The following RORA variants were observed in gnomAD, a reference collection of about 807,000 sequenced individuals.
The protein encoded by RORA is RAR related orphan receptor A.
RORA carries 7 observed loss-of-function variants against 69.5 expected under a neutral mutation model. The ratio of observed to expected loss-of-function variants is 0.10; its 90% CI spans 0.06 to 0.19. The LOEUF (loss-of-function observed/expected upper bound fraction) is 0.19, where lower values mean the gene tolerates loss of function less well. RORA is among the 10% of genes least tolerant of loss of function. The pLI is 1.00. For missense variants in RORA, 457 were observed against 663.0 expected (o/e 0.69, Z 3.41); for synonymous variants, 261 against 240.8 (o/e 1.08, Z -0.78).
rs1331797817 is a variant in RORA, at chr15:61,071,735, GGCTTATTCT to G, written c.166+157309_166+157317del. On this transcript the variant is annotated intron_variant, in intron 1 of 10. Transcript: ENST00000335670. The stretch of plus-strand genomic sequence containing the variant: ...ATTCACTGAGCCATACAAAGGAACA[GGCTTATTCT>G]TTGGATTTCAGAACTGAGATGAAGG... Among the ~76,000 whole-genome samples, 416 of 151,026 alleles carry G rather than the reference GGCTTATTCT, an allele frequency of 2.8e-3. 3 individuals are homozygous for G. Among genetic ancestry groups the G allele is most frequent in the African/African-American group, 9.5e-3 (389 of 41,036 alleles).
intron 2 of RORA, among the ~76,000 whole-genome samples, chr15:60,672,426 A>G (rs2070487462): frequency 6.6e-6 from 1 of 152,182 alleles, no homozygotes; most frequent in South Asian, 2.1e-4. Context: ...CTCGGTTTTC[A>G]TCTGTAAAGT....
At chr15:60,899,468 T>G (rs1328442538) in intron 1 of RORA, among the ~76,000 whole-genome samples, 1 of 152,132 alleles carries the variant, frequency 6.6e-6, no homozygotes, top group African/African-American at 2.4e-5. Context: ...AGTGACTGAG[T>G]GAAAAGTTAG....
At chr15:61,217,305 A>T (rs2080049242) in intron 1 of RORA, among the ~76,000 whole-genome samples, 1 of 152,202 alleles carries the variant, frequency 6.6e-6, no homozygotes, top group South Asian at 2.1e-4. Context: ...TGGCAGAGGA[A>T]GAGGTTACAT....
intron 1 of RORA, among the ~76,000 whole-genome samples, chr15:60,700,360 A>G (rs2070965222): frequency 6.6e-6 from 1 of 152,226 alleles, no homozygotes; most frequent in Non-Finnish European, 1.5e-5. Context: ...CTGTCTGACC[A>G]TACCCCAAAT....
chr15:61,018,896 C>A (rs904931154), intron 1 of RORA, among the ~76,000 whole-genome samples: 13 of 152,180 alleles, frequency 8.5e-5, no homozygotes, highest in Non-Finnish European at 1.5e-4. Context: ...TTAACCTGTG[C>A]ACCTTGCCAC....
chr15:61,224,846 C>T (rs2080131330), intron 1 of RORA, among the ~76,000 whole-genome samples: 1 of 152,170 alleles, frequency 6.6e-6, no homozygotes, highest in Admixed American at 6.5e-5. Flanking sequence ...TGCTACAGCC[C>T]CCACCTCTGC....
At chr15:61,102,619 T>C (rs2140754695) in intron 1 of RORA, among the ~76,000 whole-genome samples, 1 of 152,338 alleles carries the variant, frequency 6.6e-6, no homozygotes, top group Admixed American at 6.5e-5. Context: ...CTGATCCAAA[T>C]TCCTCTTCTG....
chr15:60,684,801 T>C (rs944885453), intron 1 of RORA, among the ~76,000 whole-genome samples: 1 of 152,194 alleles, frequency 6.6e-6, no homozygotes, highest in Non-Finnish European at 1.5e-5. Flanking sequence ...TGACTCCTCC[T>C]TTAATTCCTA....
intron 1 of RORA, among the ~76,000 whole-genome samples, chr15:60,935,786 G>A (rs1258941076): frequency 6.6e-6 from 1 of 152,202 alleles, no homozygotes; most frequent in Non-Finnish European, 1.5e-5. Context: ...GACTTCAACA[G>A]CCAGATGCTG....
At chr15:61,117,278 A>G (rs2079059345) in intron 1 of RORA, among the ~76,000 whole-genome samples, 1 of 151,734 alleles carries the variant, frequency 6.6e-6, no homozygotes, top group Non-Finnish European at 1.5e-5. Flanking sequence ...TAATGTTAGT[A>G]AGTAAATCCA....
chr15:61,177,211 C>G, intron 1 of RORA, among the ~76,000 whole-genome samples: 1 of 152,146 alleles, frequency 6.6e-6, no homozygotes, highest in East Asian at 1.9e-4. Flanking sequence ...AGATTTGCTG[C>G]TCTGAGTTAA....
chr15:60,804,019 G>C (rs1047851363), intron 1 of RORA, among the ~76,000 whole-genome samples: 2 of 152,128 alleles, frequency 1.3e-5, no homozygotes, highest in African/African-American at 2.4e-5. Context: ...GCCAGGTGCA[G>C]TGGCTCATGC....
chr15:60,880,340 G>A (rs2073664853), intron 1 of RORA, among the ~76,000 whole-genome samples: 1 of 152,108 alleles, frequency 6.6e-6, no homozygotes. Context: ...ACTTATGTAG[G>A]TCAAAAACCT....
chr15:60,519,348 C>T (rs4775278), intron 3 of RORA, among the ~76,000 whole-genome samples: 4,541 of 152,256 alleles, frequency 0.03, 224 homozygotes, highest in African/African-American at 0.1. Context: ...TCCTATCATT[C>T]CCCTGGTTTT....
At chr15:60,561,931 CAA>C (rs112281659) in intron 2 of RORA, among the ~76,000 whole-genome samples, 1 of 147,070 alleles carries the variant, frequency 6.8e-6, no homozygotes, top group Non-Finnish European at 1.5e-5. Context: ...ATGGGTTTAA[CAA>C]AAAAAAAAAT....
Position 60,631,831 on chromosome 15 carries a change from G to A in RORA, c.196+46826C>T, listed in dbSNP as rs1245774046. The stretch of plus-strand genomic sequence containing the variant: ...TAGAGGGAATTACTCCGCAGCATCT[G>A]AAAAGCCAGCTCACAGGTGGGCCGC... On this transcript the variant is annotated intron_variant, in intron 2 of 10. Transcript: ENST00000335670. Among the ~76,000 whole-genome samples, 6 of 152,198 alleles carry A rather than the reference G, an allele frequency of 3.9e-5. No homozygotes were observed. In the East Asian group the frequency reaches 1.2e-3, roughly 29 times the overall value.
intron 1 of RORA, among the ~76,000 whole-genome samples, chr15:61,194,583 T>C (rs1213484167): frequency 2.0e-5 from 3 of 150,686 alleles, no homozygotes; most frequent in African/African-American, 7.3e-5. Context: ...ACTTCGACCA[T>C]ATTGGTGGAG....
intron 1 of RORA, among the ~76,000 whole-genome samples, chr15:60,863,238 G>GT (rs2073451586): frequency 6.6e-6 from 1 of 152,194 alleles, no homozygotes; most frequent in African/African-American, 2.4e-5. Flanking sequence ...TTGCACATTA[G>GT]TGTTCTGACC....
chr15:60,507,045 G>A (rs2141294024), intron 5 of RORA, among the ~76,000 whole-genome samples: 1 of 152,018 alleles, frequency 6.6e-6, no homozygotes, highest in South Asian at 2.1e-4. Context: ...TGTGCTTGGT[G>A]TATTGGAGCA....
Sources: gnomAD v4.1 joint callset for allele counts (sites outside exome capture counted in the v4.1 genomes callset) on GRCh38, gnomAD v4.1.1 for gene constraint, MANE v1.5 for transcripts, NCBI Gene and HGNC (gene_info 2026-07-23, HGNC 2026-07-21) for gene names.